Variants in WDFY3 observed in about 807,000 individuals in gnomAD.
WDFY3 encodes WD repeat and FYVE domain-containing protein 3.
Under a neutral mutation model 409.6 loss-of-function variants are expected in WDFY3, and 66 were observed. That is an observed-to-expected ratio of 0.16 (90% CI 0.13 to 0.20). The LOEUF (loss-of-function observed/expected upper bound fraction) is 0.20, where lower values mean the gene tolerates loss of function less well. Ranked by LOEUF, WDFY3 falls within the 10% of genes least tolerant of loss-of-function variation. The pLI, the probability that WDFY3 is intolerant of heterozygous loss-of-function variation, is 1.00. For synonymous variants in WDFY3, 1,521 were observed against 1,537.1 expected, an observed-to-expected ratio of 0.99 and a Z score of 0.25; for missense variants, 3,031 against 4,298.1, an observed-to-expected ratio of 0.71 and a Z score of 8.24.
chr4:84,770,872 AAAGTC>A (rs1260635134), intron 30 of WDFY3, among the ~76,000 whole-genome samples: 1 of 151,818 alleles, frequency 6.6e-6, no homozygotes, highest in Non-Finnish European at 1.5e-5. Context: ...TATACTCAAT[AAAGTC>A]TTCAGTGCAT....
intron 2 of WDFY3, among the ~76,000 whole-genome samples, chr4:84,898,523 T>C (rs1579041986): frequency 6.6e-6 from 1 of 152,208 alleles, no homozygotes; most frequent in African/African-American, 2.4e-5. Context: ...AACCATTGCA[T>C]GAAGATGACT....
chr4:84,775,862 C>T (rs561227667), intron 27 of WDFY3, among the ~76,000 whole-genome samples: 1 of 151,666 alleles, frequency 6.6e-6, no homozygotes, highest in South Asian at 2.1e-4. Flanking sequence ...AACTCTATTC[C>T]ATGCAAAAAT....
intron 2 of WDFY3, among the ~76,000 whole-genome samples, chr4:84,929,582 G>A (rs754491078): frequency 3.9e-5 from 6 of 151,932 alleles, no homozygotes; most frequent in Non-Finnish European, 1.5e-5. Flanking sequence ...CCATCAGGGT[G>A]GGCTCTAATC....
rs541708539 is a variant in WDFY3 at position 84,840,458 on chromosome 4, A to T, written c.414+696T>A. ...GATTTTTTTATTTTTCCTGAGCCAG[A>T]GTTTCCCTAACATCAGTGACAAAAG... On this transcript the variant is annotated intron_variant, in intron 6 of 67. Coordinates refer to ENST00000295888, the MANE Select transcript of WDFY3 (RefSeq NM_014991.6). 3.3e-5 allele frequency among the ~76,000 whole-genome samples: 5 copies of T among 152,290 alleles called. No homozygotes were observed. In the East Asian group the frequency reaches 5.8e-4, roughly 18 times the overall value.
intron 5 of WDFY3, among the ~76,000 whole-genome samples, chr4:84,845,253 A>G (rs931524966): frequency 1.3e-5 from 2 of 152,246 alleles, no homozygotes; most frequent in African/African-American, 4.8e-5. Context: ...AGGAATAATA[A>G]AAGGTTCACT....
chr4:84,713,116 A>G, intron 51 of WDFY3, 43 bp downstream of exon 51: 1 of 1,589,460 alleles, frequency 6.3e-7, no homozygotes, highest in Non-Finnish European at 8.6e-7. Context: ...AATCATCCCA[A>G]CTTCACTATT....
chr4:84,720,398 G>C (rs771139278), intron 47 of WDFY3, among the ~76,000 whole-genome samples: 1 of 152,164 alleles, frequency 6.6e-6, no homozygotes, highest in African/African-American at 2.4e-5. Context: ...GCAAGTAAAA[G>C]GAAGGGGGCA....
chr4:84,845,626 T>C (rs1251514817), intron 5 of WDFY3, among the ~76,000 whole-genome samples: 1 of 152,086 alleles, frequency 6.6e-6, no homozygotes, highest in Non-Finnish European at 1.5e-5. Flanking sequence ...AGATGAAATA[T>C]TAAGAGTTGG....
At chr4:84,810,524 A>T in intron 13 of WDFY3, 180 bp from the exon 14 acceptor site, 1 of 518,390 alleles carries the variant, frequency 1.9e-6, no homozygotes, top group Non-Finnish European at 3.3e-6. Context: ...GCCACATTAA[A>T]TGCTGAAGGT....
chr4:84,822,762 C>T (rs1027423327), intron 10 of WDFY3, among the ~76,000 whole-genome samples: 25 of 152,030 alleles, frequency 1.6e-4, no homozygotes, highest in Non-Finnish European at 2.8e-4. Context: ...ATCTTGACTT[C>T]GACATTTCTT....
Position 84,743,783 on chromosome 4 carries a change from G to T in WDFY3, c.5990C>A (p.Ser1997Tyr). Residue 1997 changes from serine (S) to tyrosine (Y), a missense_variant, in exon 37 of 68, where the codon TCT (serine) becomes TAT (tyrosine). Around this residue, in one of 16 missense-constraint regions of WDFY3, gnomAD observed 314 missense variants for 397.4 expected, o/e 0.79. Coordinates refer to ENST00000295888, the MANE Select transcript of WDFY3 (RefSeq NM_014991.6). ...DLLLEASPERSTRTQQKEFQT... is the reference protein window; with the variant it reads ...DLLLEASPERYTRTQQKEFQT... ...AAATTCTTTTTGCTGAGTTCTTGTA[G>T]ACCTTTCAGGGGAAGCCTAATCAAG... The T allele has an allele frequency of 6.3e-7, 1 of 1,581,568 alleles. No individual in the cohort carries two copies. Among genetic ancestry groups the T allele is most frequent in the South Asian group, 1.2e-5 (1 of 85,610 alleles).
At chr4:84,758,687 T>C (rs990104346) in intron 32 of WDFY3, among the ~76,000 whole-genome samples, 3 of 152,300 alleles carry the variant, frequency 2.0e-5, no homozygotes, top group South Asian at 2.1e-4. Context: ...TTCCTCAGTG[T>C]GACGTGATTA....
At chr4:84,809,702 TAA>T (rs540179297) in intron 14 of WDFY3, 183 bp downstream of exon 14, 4,194 of 400,994 alleles carry the variant, frequency 0.01, no homozygotes, top group South Asian at 0.015. Flanking sequence ...GCTTCCATGC[TAA>T]AAAAAAAAAA....
At chr4:84,781,823 G>A (rs1259212248) in intron 25 of WDFY3, among the ~76,000 whole-genome samples, 2 of 152,084 alleles carry the variant, frequency 1.3e-5, no homozygotes, top group African/African-American at 2.4e-5. Flanking sequence ...ACGCTACCAC[G>A]TGCTTTAGAG....
chr4:84,812,768 C>G lies in WDFY3; in HGVS notation c.1888-2424G>C, dbSNP rs111469870. On this transcript the variant is annotated intron_variant, in intron 13 of 67. Coordinates refer to ENST00000295888, the MANE Select transcript of WDFY3 (RefSeq NM_014991.6). ...ATAATTTATATTATGTACTTCTGGACAGGCCCACCTCCTACTTCCTCAAAA... is the reference window on the plus strand; with the variant it reads ...ATAATTTATATTATGTACTTCTGGAGAGGCCCACCTCCTACTTCCTCAAAA... Among the ~76,000 whole-genome samples the G allele has an allele frequency of 8.3e-3, 1,260 of 152,224 alleles. 8 individuals carry two copies. Among genetic ancestry groups the G allele is most frequent in the Non-Finnish European group, 0.012 (792 of 67,998 alleles).
chr4:84,810,194 G>C lies in WDFY3; in HGVS notation c.2038C>G (p.Gln680Glu). 6.2e-7 allele frequency: 1 copy of C among 1,614,096 alleles called. No individual in the cohort carries two copies. The highest frequency in any genetic ancestry group is 1.6e-4 in the Middle Eastern group (1 of 6,062). ...KNGWEKVNQN[Q>E]VFELLHTVFC... is the part of the protein sequence containing the mutation. ...ACAGTGTGAAGAAGTTCAAACACTT[G>C]ATTCTGGTTCACTTTCTCCCAGCCA... The change falls in exon 14 of 68, where the codon CAA becomes GAA. Residue 680 changes from glutamine (Q) to glutamate (E), a missense_variant. Around this residue, in one of 16 missense-constraint regions of WDFY3, gnomAD observed 1,322 missense variants for 1,697.9 expected, o/e 0.78. Coordinates refer to ENST00000295888, the MANE Select transcript of WDFY3 (RefSeq NM_014991.6).
At chr4:84,728,194 T>C (rs1735979246) in intron 44 of WDFY3, among the ~76,000 whole-genome samples, 1 of 152,098 alleles carries the variant, frequency 6.6e-6, no homozygotes, top group East Asian at 1.9e-4. Context: ...TTCAACCTGC[T>C]CTGAAATTCA....
chr4:84,691,809 T>G (rs1729309060), intron 59 of WDFY3, 24 bp from the exon 60 acceptor site: 3 of 1,593,236 alleles, frequency 1.9e-6, no homozygotes, highest in Non-Finnish European at 1.7e-6. Context: ...ATCATGGTAT[T>G]AGGACAGGAA....
At chr4:84,678,339 G>T in intron 65 of WDFY3, 60 bp from the exon 66 acceptor site, 2 of 1,264,794 alleles carry the variant, frequency 1.6e-6, no homozygotes, top group South Asian at 1.2e-5. Context: ...ATACTGGGGA[G>T]AACTACTCTA....
Sources: gnomAD v4.1 joint callset for allele counts (sites outside exome capture counted in the v4.1 genomes callset) on GRCh38, gnomAD v4.1.1 for gene constraint, gnomAD v4.1.1 regional missense constraint, MANE v1.5 for transcripts, NCBI Gene and HGNC (gene_info 2026-07-23, HGNC 2026-07-21) for gene names.